Variants in NEDD9 observed in about 807,000 individuals in gnomAD.
NEDD9 encodes enhancer of filamentation 1.
A neutral mutation model predicts 76.6 loss-of-function variants in NEDD9; 26 were observed. The ratio of observed to expected loss-of-function variants is 0.34; its 90% CI spans 0.25 to 0.47. The LOEUF is 0.47. Among genes scored for constraint, NEDD9 ranks in the 20% least tolerant of loss-of-function variants. The probability of loss-of-function intolerance (pLI) is 1.00; values close to 1 mark genes in which losing one functional copy is unlikely to be tolerated. For synonymous variants in NEDD9, 392 were observed against 414.2 expected (o/e 0.95, Z 0.65); for missense variants, 937 against 1,058.5 (o/e 0.89, Z 1.59).
chr6:11,331,021 C>T (rs1762026528), intron 2 of NEDD9, among the ~76,000 whole-genome samples: 1 of 152,148 alleles, frequency 6.6e-6, no homozygotes, highest in Non-Finnish European at 1.5e-5. Flanking sequence ...AAGTCAGCAA[C>T]CTCACCTGGT....
chr6:11,360,292 AACTCCCAAAGGAGAGCATGAGCAAG>A (rs1762655185), intron 1 of NEDD9, among the ~76,000 whole-genome samples: 2 of 152,224 alleles, frequency 1.3e-5, no homozygotes, highest in Admixed American at 1.3e-4. Flanking sequence ...GCAGAAGAAG[AACTCCCAAAGGAGAGCATGAGCAAG>A]AGTCTGCCAG....
chr6:11,254,089 CA>C (rs1160452850), intron 3 of NEDD9, among the ~76,000 whole-genome samples: 1 of 151,834 alleles, frequency 6.6e-6, no homozygotes, highest in African/African-American at 2.4e-5. Flanking sequence ...TATATTTGTG[CA>C]AAAATGTATT....
chr6:11,351,484 C>T (rs554961672), intron 1 of NEDD9, among the ~76,000 whole-genome samples: 4 of 152,214 alleles, frequency 2.6e-5, no homozygotes, highest in Non-Finnish European at 5.9e-5. Flanking sequence ...CCTTGTTCTA[C>T]CCTTCTCTCT....
At chr6:11,306,124 T>C in exon 3 of NEDD9, 1 of 1,229,456 alleles carries the variant, frequency 8.1e-7, no homozygotes, top group South Asian at 1.2e-5. Flanking sequence ...TTTGCCAGTG[T>C]CTGACATTAC....
At chr6:11,347,086 G>GTCCT (rs555399888) in intron 1 of NEDD9, among the ~76,000 whole-genome samples, 39 of 152,208 alleles carry the variant, frequency 2.6e-4, no homozygotes, top group African/African-American at 8.9e-4. Context: ...TTCACCTCAG[G>GTCCT]TCCTTGTGTT....
intron 1 of NEDD9, among the ~76,000 whole-genome samples, chr6:11,342,249 GA>G (rs1192146652): frequency 6.6e-6 from 1 of 151,496 alleles, no homozygotes; most frequent in East Asian, 1.9e-4. Flanking sequence ...AGAAGGAGGA[GA>G]GAGAGAGAGA....
chr6:11,243,269 A>G (rs1014126370), intron 3 of NEDD9, among the ~76,000 whole-genome samples: 2 of 152,248 alleles, frequency 1.3e-5, no homozygotes, highest in African/African-American at 4.8e-5. Flanking sequence ...GATGCATAGA[A>G]TAGGAGTAGT....
At position 11,185,207 on chromosome 6, in the gene NEDD9, A is replaced by G. The variant is rs1298134790; in HGVS notation, c.2460T>C (p.Asn820=). Residue 820 remains asparagine (N), a synonymous_variant, in exon 7 of 7, where the codon AAT becomes AAC. Coordinates refer to ENST00000379446, the MANE Select transcript of NEDD9 (RefSeq NM_006403.4). ...MVHQVTDLSR[N]AQLFKRSLLE... ...GCAAAGAGCGCTTGAACAGCTGGGC[A>G]TTTCTAGAAAGGTCTGTCACTTGGT... The G allele has an allele frequency of 3.1e-6, 5 of 1,613,708 alleles. No individual in the cohort carries two copies. Among genetic ancestry groups the G allele is most frequent in the Non-Finnish European group, 4.2e-6 (5 of 1,179,916 alleles).
intron 1 of NEDD9, among the ~76,000 whole-genome samples, chr6:11,351,041 CAG>C (rs1281007213): frequency 1.3e-5 from 2 of 152,118 alleles, no homozygotes; most frequent in African/African-American, 2.4e-5. Flanking sequence ...TATCACCTCA[CAG>C]AGTTGCCATT....
intron 1 of NEDD9, among the ~76,000 whole-genome samples, chr6:11,346,490 A>G (rs1386209112): frequency 1.4e-5 from 2 of 137,974 alleles, no homozygotes; most frequent in African/African-American, 5.5e-5. Context: ...CCCCCCCCCG[A>G]GGTGAGTGGA....
intron 3 of NEDD9, among the ~76,000 whole-genome samples, chr6:11,272,363 G>A (rs1030623187): frequency 6.6e-6 from 1 of 152,176 alleles, no homozygotes; most frequent in Non-Finnish European, 1.5e-5. Context: ...CCTGACAGAT[G>A]TTATACTTTT....
At chr6:11,349,089 G>A (rs997119513) in intron 1 of NEDD9, among the ~76,000 whole-genome samples, 5 of 151,760 alleles carry the variant, frequency 3.3e-5, no homozygotes, top group African/African-American at 7.3e-5. Flanking sequence ...AAAAAACAAC[G>A]CCATTAAAAA....
chr6:11,299,060 G>A (rs983715098), intron 3 of NEDD9, among the ~76,000 whole-genome samples: 20 of 152,158 alleles, frequency 1.3e-4, no homozygotes, highest in African/African-American at 4.8e-4. Flanking sequence ...GAAATGCAAG[G>A]GGTTGGGGTA....
Position 11,185,347 on chromosome 6 carries a change from T to G in NEDD9, c.2320A>C (p.Asn774His). Residue 774 changes from asparagine (N) to histidine (H), a missense_variant, in exon 7 of 7, where the codon AAC becomes CAC. Coordinates refer to ENST00000379446, the MANE Select transcript of NEDD9 (RefSeq NM_006403.4). ...TGGTTGCTGGAGTTCATGACTTTGT[T>G]GCGAATGTCCTGGGCAGTCACCTGC... is the stretch of plus-strand genomic sequence containing the variant. ...TRQVTAQDIR[N>H]KVMNSSNQLC... 1.2e-6 allele frequency: 2 copies of G among 1,614,210 alleles called. No individual in the cohort carries two copies. Among genetic ancestry groups the G allele is most frequent in the South Asian group, 2.2e-5 (2 of 91,088 alleles).
intron 2 of NEDD9, among the ~76,000 whole-genome samples, chr6:11,201,885 A>G (rs1758466797): frequency 6.6e-6 from 1 of 152,182 alleles, no homozygotes; most frequent in South Asian, 2.1e-4. Flanking sequence ...GAATTGTGCA[A>G]TCCTTTGCCT....
rs1759380285 is a variant in NEDD9, at chr6:11,228,643, C to A, written c.12+3861G>T. On this transcript the variant is annotated intron_variant, in intron 1 of 6. Coordinates refer to ENST00000379446, the MANE Select transcript of NEDD9 (RefSeq NM_006403.4). ...GAACAGGGACTGACGTGTATCCCAGCAAGGAAAGGATGCTAAAGGAATCCT... is the reference window on the plus strand; with the variant it reads ...GAACAGGGACTGACGTGTATCCCAGAAAGGAAAGGATGCTAAAGGAATCCT... Among the ~76,000 whole-genome samples the A allele has an allele frequency of 3.3e-5, 5 of 151,946 alleles. No homozygotes were observed. The South Asian group carries it at 1.0e-3, about 32-fold the overall frequency.
At chr6:11,318,424 G>A (rs539910970) in intron 2 of NEDD9, among the ~76,000 whole-genome samples, 4 of 152,306 alleles carry the variant, frequency 2.6e-5, no homozygotes, top group African/African-American at 7.2e-5. Flanking sequence ...TGCTTTGCAA[G>A]TGTGGGGAGA....
At chr6:11,346,140 A>C (rs888247279) in intron 1 of NEDD9, among the ~76,000 whole-genome samples, 3 of 152,218 alleles carry the variant, frequency 2.0e-5, no homozygotes, top group Admixed American at 2.0e-4. Flanking sequence ...GCTCCATGAT[A>C]ACAGGGATCT....
In NEDD9 at chr6:11,346,508, C is replaced by G. The variant is rs77420669; in HGVS notation, c.-213-11947G>C. 2.0e-5 allele frequency among the ~76,000 whole-genome samples: 3 copies of G among 151,718 alleles called. No individual in the cohort carries two copies. The East Asian group carries it at 5.8e-4, about 29-fold the overall frequency. ...CCCCCCGAGGTGAGTGGAAAGCCCT[C>G]TCTTTACTGGGTAAAATAAACCCAA... is the stretch of plus-strand genomic sequence containing the variant. On this transcript the variant is annotated intron_variant, in intron 1 of 3. Transcript: ENST00000397378.
Sources: allele counts gnomAD v4.1 joint callset (sites outside exome capture counted in the v4.1 genomes callset), GRCh38; gene constraint gnomAD v4.1.1; transcripts MANE v1.5; gene names NCBI Gene and HGNC (gene_info 2026-07-23, HGNC 2026-07-21).